ZNHIT6: variants seen among roughly 807,000 people sequenced by gnomAD.
The protein encoded by ZNHIT6 is zinc finger HIT-type containing 6, also known as box C/D snoRNA protein 1.
Under a neutral mutation model 57.2 loss-of-function variants are expected in ZNHIT6, and 45 were observed. The ratio of observed to expected loss-of-function variants is 0.79; its 90% confidence interval spans 0.62 to 1.01. The LOEUF (loss-of-function observed/expected upper bound fraction) is 1.01. Among genes scored for constraint, ZNHIT6 ranks in the 50% least tolerant of loss-of-function variants. The pLI, the probability that ZNHIT6 is intolerant of heterozygous loss-of-function variation, is 0.00. For synonymous variants in ZNHIT6, 188 were observed against 190.0 expected, an observed-to-expected ratio of 0.99 and a Z score of 0.09; for missense variants, 528 against 567.3, an observed-to-expected ratio of 0.93 and a Z score of 0.70.
intron 5 of ZNHIT6, among the ~76,000 whole-genome samples, chr1:85,701,495 C>A (rs985995421): frequency 5.3e-5 from 8 of 152,162 alleles, no homozygotes; most frequent in Admixed American, 1.3e-4. Flanking sequence ...CCTTTTCAAC[C>A]CAACATTTTC....
At chr1:85,687,310 A>AAAAAAAAAC (rs1557861254) in intron 5 of ZNHIT6, among the ~76,000 whole-genome samples, 2 of 143,588 alleles carry the variant, frequency 1.4e-5, no homozygotes, top group African/African-American at 2.5e-5. Flanking sequence ...AAAAAAAAAA[A>AAAAAAAAAC]ACAATTTAGA....
intron 8 of ZNHIT6, among the ~76,000 whole-genome samples, chr1:85,663,074 C>T (rs1661271407): frequency 1.3e-5 from 2 of 152,076 alleles, no homozygotes; most frequent in African/African-American, 4.8e-5. Context: ...TATAACTCCA[C>T]AAGGAGACTC....
At chr1:85,697,675 C>A (rs991983031) in intron 5 of ZNHIT6, among the ~76,000 whole-genome samples, 1 of 152,098 alleles carries the variant, frequency 6.6e-6, no homozygotes, top group African/African-American at 2.4e-5. Context: ...GCACCTCTGC[C>A]ATGTTATTCT....
In ZNHIT6 at chr1:85,706,294, C is replaced by T. The variant is rs1489509047; in HGVS notation, c.784G>A (p.Ala262Thr). 1.2e-6 allele frequency: 2 copies of T among 1,612,880 alleles called. No individual in the cohort carries two copies. Among genetic ancestry groups the T allele is most frequent in the South Asian group, 1.1e-5 (1 of 90,900 alleles). Reference sequence around the variant, plus strand: ...GTAAACTGTTGTATTGAAATGTATGCAGTTTTATCTCGAACTCCATTACAT... The same window carrying T: ...GTAAACTGTTGTATTGAAATGTATGTAGTTTTATCTCGAACTCCATTACAT... ...LTCNGVRDKTAYISIQQFTEM... is the reference protein window; with the variant it reads ...LTCNGVRDKTTYISIQQFTEM... The change falls in exon 3 of 10, where the codon GCA (alanine) becomes ACA (threonine). Residue 262 changes from alanine (A) to threonine (T), a missense_variant. Ala to Thr is a moderately conservative substitution (Grantham distance 58, BLOSUM62 0). Transcript: ENST00000370574.
In ZNHIT6 at chr1:85,706,253, T is replaced by C; in HGVS notation, c.825A>G (p.Leu275=). The stretch of plus-strand genomic sequence containing the variant: ...GCTATGCATAAAGTGGCTTACCACT[T>C]AGGAGATTCATTTCAGTAAACTGTT... ...SIQQFTEMNL[L]SDYRFLEDVA... is the part of the protein sequence containing the mutation. The change falls in exon 3 of 10, where the codon CTA becomes CTG. Residue 275 remains leucine (L), a synonymous_variant. Coordinates refer to ENST00000370574, the MANE Select transcript of ZNHIT6 (RefSeq NM_017953.4). The C allele has an allele frequency of 6.2e-7, 1 of 1,611,140 alleles. No individual in the cohort carries two copies. Among genetic ancestry groups the C allele is most frequent in the Non-Finnish European group, 8.5e-7 (1 of 1,178,096 alleles).
intron 5 of ZNHIT6, among the ~76,000 whole-genome samples, chr1:85,681,440 T>C (rs976491484): frequency 1.3e-5 from 2 of 152,338 alleles, no homozygotes; most frequent in South Asian, 2.1e-4. Context: ...TCACTAAATG[T>C]CTGATTTTAG....
chr1:85,668,732 T>C (rs1369921917), intron 8 of ZNHIT6, among the ~76,000 whole-genome samples: 1 of 152,188 alleles, frequency 6.6e-6, no homozygotes, highest in East Asian at 1.9e-4. Flanking sequence ...CTAGTTCAAT[T>C]AGGCAAAGAG....
intron 5 of ZNHIT6, among the ~76,000 whole-genome samples, chr1:85,691,754 T>C (rs1430437883): frequency 6.6e-6 from 1 of 150,994 alleles, no homozygotes; most frequent in Non-Finnish European, 1.5e-5. Context: ...AGCGTGGTGG[T>C]GCAAGCCTGT....
At chr1:85,655,413 T>C (rs821402) in intron 9 of ZNHIT6, among the ~76,000 whole-genome samples, 118,369 of 152,068 alleles carry the variant, frequency 0.78, 46,848 homozygotes, top group East Asian at 0.93. Flanking sequence ...CCAGGTATTT[T>C]CACTAATTCC....
intron 4 of ZNHIT6, 32 bp from the exon 5 acceptor site, chr1:85,702,292 T>C (rs1241966736): frequency 7.6e-7 from 1 of 1,314,828 alleles, no homozygotes; most frequent in Admixed American, 2.1e-5. Flanking sequence ...ACAAATTAAT[T>C]TTTAAATTCC....
At chr1:85,704,997 T>G (rs985465160) in intron 4 of ZNHIT6, among the ~76,000 whole-genome samples, 19 of 152,304 alleles carry the variant, frequency 1.2e-4, no homozygotes, top group Admixed American at 3.3e-4. Context: ...AATCGCAATC[T>G]AATCCCTTCC....
rs915606335 is a variant in ZNHIT6 at position 85,651,042 on chromosome 1, A to G, written c.*3016T>C. ...CCAGCATCTTTATGTAAAATTTAGTAACATGAAATAAGGTACAACACAAAG... is the reference window on the plus strand; with the variant it reads ...CCAGCATCTTTATGTAAAATTTAGTGACATGAAATAAGGTACAACACAAAG... On this transcript the variant is annotated 3_prime_UTR_variant, in exon 10 of 10. Coordinates refer to ENST00000370574, the MANE Select transcript of ZNHIT6 (RefSeq NM_017953.4). 1 of 152,210 alleles carries G rather than the reference A, an allele frequency of 6.6e-6. No homozygotes were observed. The highest frequency in any genetic ancestry group is 2.4e-5 in the African/African-American group (1 of 41,450). The allele number at this position is 152,210 out of a possible 1,614,324, so 9.4% of individuals were successfully genotyped here.
chr1:85,685,328 CT>C (rs1436952522), intron 5 of ZNHIT6, among the ~76,000 whole-genome samples: 13 of 152,182 alleles, frequency 8.5e-5, no homozygotes, highest in African/African-American at 3.1e-4. Flanking sequence ...CATGGTACAT[CT>C]ACATAATGAA....
At chr1:85,686,839 G>A (rs372539125) in intron 5 of ZNHIT6, among the ~76,000 whole-genome samples, 304 of 152,178 alleles carry the variant, frequency 2.0e-3, no homozygotes, top group African/African-American at 6.2e-3. Context: ...TGGACTTTGC[G>A]TTTGAATCCC....
Position 85,708,225 on chromosome 1 carries a change from C to T in ZNHIT6, c.60G>A (p.Glu20=), listed in dbSNP as rs1662752171. ...CAGGCTCTGGACTTAGCCGCACCCC[C>T]TCAGCTACGCTGTGGAGACCTCCCC... ...KSGGGLHSVA[E]GVRLSPEPGR... The change falls in exon 1 of 10, where the codon GAG becomes GAA. Residue 20 remains glutamate (E), a synonymous_variant. Coordinates refer to ENST00000370574, the MANE Select transcript of ZNHIT6 (RefSeq NM_017953.4). The T allele has an allele frequency of 1.9e-6, 3 of 1,613,180 alleles. No individual in the cohort carries two copies. The highest frequency in any genetic ancestry group is 1.7e-5 in the Admixed American group (1 of 59,984).
intron 4 of ZNHIT6, among the ~76,000 whole-genome samples, chr1:85,703,363 G>A (rs553975120): frequency 1.3e-5 from 2 of 152,284 alleles, no homozygotes; most frequent in African/African-American, 4.8e-5. Context: ...GAAAAAAAGT[G>A]GGAGGACTTA....
At position 85,651,197 on chromosome 1, in the gene ZNHIT6, A is replaced by G. The variant is rs1570273337; in HGVS notation, c.*2861T>C. 2 of 152,156 alleles carry G rather than the reference A, an allele frequency of 1.3e-5. No homozygotes were observed. Among genetic ancestry groups the G allele is most frequent in the African/African-American group, 4.8e-5 (2 of 41,444 alleles). The allele number at this position is 152,156 out of a possible 1,614,324, so 9.4% of individuals were successfully genotyped here. On this transcript the variant is annotated 3_prime_UTR_variant, in exon 10 of 10. Coordinates refer to ENST00000370574, the MANE Select transcript of ZNHIT6 (RefSeq NM_017953.4). ...TTGCTACAGGGAAACAAACTGGATC[A>G]ACTACATTTTGGAATCTTAAATATC...
At position 85,659,788 on chromosome 1, in the gene ZNHIT6, C is replaced by T. The variant is rs80347514; in HGVS notation, c.1248-1817G>A. ...AAATATAAAAGTGCTTAACAAAATG[C>T]AGAGCCAAGCTTACTAAAGTTAGAG... On this transcript the variant is annotated intron_variant, in intron 8 of 9. Transcript: ENST00000370574. 2.6e-3 allele frequency among the ~76,000 whole-genome samples: 396 copies of T among 152,284 alleles called. 3 individuals are homozygous for T. The highest frequency in any genetic ancestry group is 9.3e-3 in the African/African-American group (385 of 41,570).
chr1:85,659,525 C>CA (rs1159087222), intron 8 of ZNHIT6, among the ~76,000 whole-genome samples: 1 of 152,074 alleles, frequency 6.6e-6, no homozygotes, highest in Non-Finnish European at 1.5e-5. Context: ...ATCTCCTGCT[C>CA]AAAAAAGCAC....
Sources: allele counts gnomAD v4.1 joint callset (sites outside exome capture counted in the v4.1 genomes callset), GRCh38; gene constraint gnomAD v4.1.1; transcripts MANE v1.5; gene names NCBI Gene and HGNC (gene_info 2026-07-23, HGNC 2026-07-21).